ABCG1: variants seen among roughly 807,000 people sequenced by gnomAD.
ABCG1 encodes ATP-binding cassette sub-family G member 1.
In ABCG1, 29 loss-of-function variants were observed where a neutral mutation model predicts 69.2. The ratio of observed to expected loss-of-function variants is 0.42; its 90% CI spans 0.31 to 0.57. The LOEUF (loss-of-function observed/expected upper bound fraction) is 0.57. ABCG1 is among the 20% of genes least tolerant of loss of function. The pLI is 0.15. For missense variants in ABCG1, 718 were observed against 898.1 expected, an observed-to-expected ratio of 0.80 and a Z score of 2.56; for synonymous variants, 370 against 374.8, an observed-to-expected ratio of 0.99 and a Z score of 0.15.
intron 2 of ABCG1, among the ~76,000 whole-genome samples, chr21:42,234,180 G>A (rs553154410): frequency 7.2e-5 from 11 of 152,278 alleles, no homozygotes; most frequent in African/African-American, 1.4e-4. Flanking sequence ...GGAGGGTGGA[G>A]GGGGAACGAG....
At chr21:42,249,143 G>A (rs373280947) in intron 2 of ABCG1, among the ~76,000 whole-genome samples, 168 of 152,264 alleles carry the variant, frequency 1.1e-3, no homozygotes, top group Non-Finnish European at 1.8e-3. Context: ...CGAACGTGGT[G>A]CAAGATAGAG....
At chr21:42,272,982 T>A (rs896290376) in intron 3 of ABCG1, among the ~76,000 whole-genome samples, 1 of 152,232 alleles carries the variant, frequency 6.6e-6, no homozygotes, top group African/African-American at 2.4e-5. Flanking sequence ...CGGCTGCTTA[T>A]AGGACCATCC....
At position 42,294,490 on chromosome 21, in the gene ABCG1, G is replaced by A. The variant is rs1319938109; in HGVS notation, c.1654-52G>A. The stretch of plus-strand genomic sequence containing the variant: ...TGGCGTGGGCGAGCCTCCTCTGCAG[G>A]AGGCCAGGCTGCAGGTTCTGCTACA... On this transcript the variant is annotated intron_variant, in intron 13 of 14. Transcript: ENST00000398449. 4 of 1,468,112 alleles carry A rather than the reference G, an allele frequency of 2.7e-6. No homozygotes were observed. The African/African-American group carries it at 4.2e-5, about 15-fold the overall frequency. The allele number at this position is 1,468,112 out of a possible 1,614,324, so 90.9% of individuals were successfully genotyped here.
chr21:42,209,411 T>C (rs569895859), intron 2 of ABCG1, among the ~76,000 whole-genome samples: 11 of 152,202 alleles, frequency 7.2e-5, no homozygotes, highest in African/African-American at 2.4e-4. Flanking sequence ...TGGTTTTTAT[T>C]AAGCACCTAC....
At chr21:42,234,731 T>C (rs2067951505) in intron 2 of ABCG1, among the ~76,000 whole-genome samples, 1 of 152,176 alleles carries the variant, frequency 6.6e-6, no homozygotes. Context: ...TCTGCAGGCC[T>C]GTGGACGCAG....
chr21:42,207,624 G>C (rs1172536800), intron 2 of ABCG1, among the ~76,000 whole-genome samples: 1 of 152,208 alleles, frequency 6.6e-6, no homozygotes, highest in African/African-American at 2.4e-5. Flanking sequence ...CACTGTGGGA[G>C]GGGACGGGGG....
chr21:42,218,149 AAG>A (rs1025904803), upstream of ABCG1, among the ~76,000 whole-genome samples: 1 of 152,216 alleles, frequency 6.6e-6, no homozygotes, highest in African/African-American at 2.4e-5. Context: ...GGTGAGGAGA[AAG>A]AGAGAGACCT....
Position 42,276,806 on chromosome 21 carries a change from C to G in ABCG1, c.538-89C>G. ...CTGTGGCTAGCTGCATCTTGGCTAG[C>G]TGCACCGTGGCCTGCAGTGCGGGCA... On this transcript the variant is annotated intron_variant, in intron 4 of 14. Transcript: ENST00000398449. This position sits in a 1 kb window ranked among gnomAD's most constrained non-coding sequence, Gnocchi z 5.3. The G allele has an allele frequency of 2.2e-6, 3 of 1,352,730 alleles. No individual in the cohort carries two copies. The highest frequency in any genetic ancestry group is 3.2e-6 in the Non-Finnish European group (3 of 950,914). The allele number at this position is 1,352,730 out of a possible 1,614,324, so 83.8% of individuals were successfully genotyped here. A position where few individuals can be genotyped will look rare whatever the true frequency, so the allele number is the denominator to read the frequency against.
intron 2 of ABCG1, chr21:42,259,314 G>A: frequency 6.5e-7 from 1 of 1,543,756 alleles, no homozygotes; most frequent in Non-Finnish European, 8.7e-7. Context: ...TGTTGCAGTA[G>A]CCACAGCCGT....
chr21:42,219,823 C>G lies in ABCG1; in HGVS notation c.42+519C>G, dbSNP rs2067692370. 6.8e-7 allele frequency: 1 copy of G among 1,459,936 alleles called. No individual in the cohort carries two copies. The highest frequency in any genetic ancestry group is 9.0e-7 in the Non-Finnish European group (1 of 1,109,418). The allele number at this position is 1,459,936 out of a possible 1,614,324, so 90.4% of individuals were successfully genotyped here. ...GGAAGCTGCCCCCAGAGAGCCGGAGCCTGCGACTGCACTCCCGGGGACACC... is the reference window on the plus strand; with the variant it reads ...GGAAGCTGCCCCCAGAGAGCCGGAGGCTGCGACTGCACTCCCGGGGACACC... On this transcript the variant is annotated intron_variant, in intron 1 of 14. Transcript: ENST00000398449. This position sits in a 1 kb window ranked among gnomAD's most constrained non-coding sequence, Gnocchi z 5.3.
intron 1 of ABCG1, among the ~76,000 whole-genome samples, chr21:42,224,002 G>A (rs1018369111): frequency 6.6e-6 from 1 of 152,280 alleles, no homozygotes; most frequent in South Asian, 2.1e-4. Flanking sequence ...GAAGTTGCTC[G>A]AGCACCCTAG....
intron 2 of ABCG1, among the ~76,000 whole-genome samples, chr21:42,210,959 CTTTT>C (rs1555945834): frequency 2.9e-5 from 4 of 137,374 alleles, no homozygotes; most frequent in Admixed American, 7.3e-5. Flanking sequence ...TTTCTTTCTT[CTTTT>C]TTTTTTTTTT....
rs115783273 is a variant in ABCG1 at position 42,204,580 on chromosome 21, G to A, written c.48+2857G>A. Among the ~76,000 whole-genome samples the A allele has an allele frequency of 8.0e-3, 1,220 of 152,188 alleles. 24 individuals carry two copies. Among genetic ancestry groups the A allele is most frequent in the African/African-American group, 0.028 (1,156 of 41,510 alleles). On this transcript the variant is annotated intron_variant, in intron 2 of 15. Transcript: ENST00000398457. The stretch of plus-strand genomic sequence containing the variant: ...CTATTGAACCAGCCTTACGTCTCTG[G>A]AATAAACCCAACTTGAATGTGGTAT...
rs1438486462 is a variant in ABCG1, at chr21:42,291,068, C to CT, written c.1394-18dup. 6.3e-7 allele frequency: 1 copy of CT among 1,587,762 alleles called. No homozygotes were observed. Among genetic ancestry groups the CT allele is most frequent in the Non-Finnish European group, 8.6e-7 (1 of 1,156,504 alleles). ...TCGCTGCACATGGTCACTGACCCTT[C>CT]TTTTTTGCTTTTCTATCTCCTAGTT... On this transcript the variant is annotated intron_variant, in intron 11 of 14. Coordinates refer to ENST00000398449, the MANE Select transcript of ABCG1 (RefSeq NM_016818.3). The surrounding 1 kb of genome is among the most constrained non-coding windows in gnomAD (Gnocchi z 6.4).
intron 2 of ABCG1, among the ~76,000 whole-genome samples, chr21:42,244,828 A>G (rs1334700479): frequency 2.0e-5 from 3 of 152,228 alleles, no homozygotes; most frequent in Non-Finnish European, 4.4e-5. Context: ...GGAGAGGCAC[A>G]CTTACAAAGG....
At chr21:42,201,205 T>A (rs1248222388) in intron 1 of ABCG1, among the ~76,000 whole-genome samples, 1 of 152,196 alleles carries the variant, frequency 6.6e-6, no homozygotes, top group African/African-American at 2.4e-5. Context: ...TCTCTGCCAA[T>A]GTTAATCTGT....
At position 42,274,769 on chromosome 21, in the gene ABCG1, G is replaced by A. The variant is rs571620466; in HGVS notation, c.537+1334G>A. 1.1e-3 allele frequency among the ~76,000 whole-genome samples: 159 copies of A among 141,812 alleles called. 1 individual carries two copies. The highest frequency in any genetic ancestry group is 5.5e-3 in the Admixed American group (78 of 14,252). 93.0% of individuals were successfully genotyped at this position (141,812 alleles called of 152,430 possible). A position where few individuals can be genotyped will look rare whatever the true frequency, so the allele number is the denominator to read the frequency against. On this transcript the variant is annotated intron_variant, in intron 4 of 14. Transcript: ENST00000398449. Reference sequence around the variant, plus strand: ...ATTACAGGTGTGAGCCACCGTGCCCGGCAGGGGCCATTTTTTTTTTTAAAG... The same window carrying A: ...ATTACAGGTGTGAGCCACCGTGCCCAGCAGGGGCCATTTTTTTTTTTAAAG...
intron 2 of ABCG1, among the ~76,000 whole-genome samples, chr21:42,236,446 T>C (rs556267890): frequency 2.0e-5 from 3 of 152,372 alleles, no homozygotes; most frequent in East Asian, 3.9e-4. Flanking sequence ...CGCTTTGCTG[T>C]CTCTGGAGAC....
At chr21:42,250,647 C>A (rs574416694) in intron 2 of ABCG1, among the ~76,000 whole-genome samples, 210 of 152,344 alleles carry the variant, frequency 1.4e-3, no homozygotes, top group Non-Finnish European at 2.2e-3. Context: ...GGGTCACACA[C>A]ACAGTGAGCG....
Sources: allele counts gnomAD v4.1 joint callset (sites outside exome capture counted in the v4.1 genomes callset), GRCh38; gene constraint gnomAD v4.1.1; non-coding constraint Gnocchi (gnomAD v3.1); transcripts MANE v1.5; gene names NCBI Gene and HGNC (gene_info 2026-07-23, HGNC 2026-07-21).